GGA2: variants seen among roughly 807,000 people sequenced by gnomAD.
GGA2 encodes ADP-ribosylation factor-binding protein GGA2.
GGA2 carries 48 observed loss-of-function variants against 79.5 expected under a neutral mutation model. That is an observed-to-expected ratio of 0.60 (90% CI 0.48 to 0.77). The LOEUF is 0.77. Ranked by LOEUF, GGA2 falls within the 30% of genes least tolerant of loss-of-function variation. The probability of loss-of-function intolerance (pLI) is 0.00; values close to 1 mark genes in which losing one functional copy is unlikely to be tolerated. For missense variants in GGA2, 770 were observed against 774.0 expected (o/e 0.99, Z 0.06); for synonymous variants, 317 against 302.0 (o/e 1.05, Z -0.51).
At chr16:23,521,140 A>G (rs1965138914) in intron 1 of GGA2, among the ~76,000 whole-genome samples, 1 of 152,100 alleles carries the variant, frequency 6.6e-6, no homozygotes, top group Admixed American at 6.6e-5. Flanking sequence ...AAAAATATAA[A>G]ATTTACCATC....
rs1964473773 is a variant in GGA2, at chr16:23,468,817, C to T, written c.1731+69G>A. On this transcript the variant is annotated intron_variant, in intron 16 of 16. Coordinates refer to ENST00000309859, the MANE Select transcript of GGA2 (RefSeq NM_015044.4). ...AAGGCCTCAATGTGCCTCTCTCTACCCACAAAGTTACCTCCCCTTACAGTT... is the reference window on the plus strand; with the variant it reads ...AAGGCCTCAATGTGCCTCTCTCTACTCACAAAGTTACCTCCCCTTACAGTT... 12 of 867,918 alleles carry T rather than the reference C, an allele frequency of 1.4e-5. No individual in the cohort carries two copies. The South Asian group carries it at 1.5e-4, about 11-fold the overall frequency. The allele number at this position is 867,918 out of a possible 1,614,324, so 53.8% of individuals were successfully genotyped here. A position where few individuals can be genotyped will look rare whatever the true frequency, so the allele number is the denominator to read the frequency against.
At chr16:23,483,819 G>A (rs1291963690) in intron 8 of GGA2, among the ~76,000 whole-genome samples, 1 of 151,284 alleles carries the variant, frequency 6.6e-6, no homozygotes, top group African/African-American at 2.4e-5. Context: ...GGCTGATACT[G>A]TATTTTTAGT....
intron 14 of GGA2, among the ~76,000 whole-genome samples, chr16:23,473,330 CTTTTTT>C (rs34972165): frequency 2.8e-5 from 2 of 70,672 alleles, no homozygotes; most frequent in African/African-American, 5.8e-5. Context: ...CTTTTCTAGT[CTTTTTT>C]TTTTTTTTTT....
At chr16:23,521,870 C>CA in exon 1 of GGA2, 1 of 455,988 alleles carries the variant, frequency 2.2e-6, no homozygotes, top group South Asian at 1.5e-5. Context: ...CTCAGTAGAT[C>CA]AGAGTTAAGC....
chr16:23,470,651 C>T, intron 14 of GGA2, among the ~76,000 whole-genome samples: 1 of 151,678 alleles, frequency 6.6e-6, no homozygotes, highest in Non-Finnish European at 1.5e-5. Flanking sequence ...TAATCCCAGC[C>T]ATTTGAGAGG....
intron 1 of GGA2, among the ~76,000 whole-genome samples, chr16:23,504,991 C>G (rs747907995): frequency 1.3e-5 from 2 of 152,284 alleles, no homozygotes; most frequent in South Asian, 2.1e-4. Context: ...AACCAACCAC[C>G]GGGGTCATGA....
chr16:23,468,742 G>T, intron 16 of GGA2, 144 bp downstream of exon 16: 1 of 546,194 alleles, frequency 1.8e-6, no homozygotes, highest in South Asian at 2.2e-5. Flanking sequence ...CCAAAGTGCT[G>T]GGATTACAGG....
At chr16:23,479,499 G>A (rs1333052756) in intron 11 of GGA2, among the ~76,000 whole-genome samples, 1 of 148,560 alleles carries the variant, frequency 6.7e-6, no homozygotes. Flanking sequence ...TTCTCCGAGG[G>A]TCCAGCTCAC....
rs1182883791 is a variant in GGA2, at chr16:23,510,280, G to T, written c.91+41C>A. On this transcript the variant is annotated intron_variant, in intron 1 of 16. Transcript: ENST00000309859. ...GGAGGCGGGAAGCGAGGCCTCACGTGCGGCGCAGCGGCTGCGCCGAAGGCC... is the reference window on the plus strand; with the variant it reads ...GGAGGCGGGAAGCGAGGCCTCACGTTCGGCGCAGCGGCTGCGCCGAAGGCC... The T allele has an allele frequency of 3.9e-6, 5 of 1,296,542 alleles. No homozygotes were observed. In the South Asian group the frequency reaches 4.5e-5, roughly 12 times the overall value. 80.3% of individuals were successfully genotyped at this position (1,296,542 alleles called of 1,614,324 possible).
chr16:23,493,624 A>G, intron 3 of GGA2, 166 bp from the exon 4 acceptor site: 2 of 593,626 alleles, frequency 3.4e-6, no homozygotes, highest in Non-Finnish European at 6.0e-6. Flanking sequence ...TCAGATCAAG[A>G]AAAAAATGTC....
At chr16:23,472,884 A>G (rs1353670714) in intron 14 of GGA2, among the ~76,000 whole-genome samples, 2 of 151,620 alleles carry the variant, frequency 1.3e-5, no homozygotes, top group Non-Finnish European at 2.9e-5. Context: ...AATACAAAAA[A>G]GTAGCTGGGC....
chr16:23,521,561 G>A (rs1247729890), intron 1 of GGA2, among the ~76,000 whole-genome samples: 3 of 151,936 alleles, frequency 2.0e-5, no homozygotes, highest in East Asian at 3.9e-4. Context: ...ACCTCACCTG[G>A]CTAATTTTTA....
chr16:23,521,868 A>G, exon 1 of GGA2: 1 of 456,038 alleles, frequency 2.2e-6, no homozygotes, highest in Non-Finnish European at 4.4e-6. Flanking sequence ...CACTCAGTAG[A>G]TCAGAGTTAA....
rs1964559693 is a variant in GGA2, at chr16:23,475,027, C to T, written c.1327G>A (p.Val443Met). 3.7e-6 allele frequency: 6 copies of T among 1,602,860 alleles called. No homozygotes were observed. Among genetic ancestry groups the T allele is most frequent in the Non-Finnish European group, 4.3e-6 (5 of 1,176,044 alleles). Residue 443 changes from valine to methionine, a missense_variant, in exon 14 of 17, where the codon GTG (valine) becomes ATG (methionine). By Grantham distance (21) the Val-to-Met change is conservative. Coordinates refer to ENST00000309859, the MANE Select transcript of GGA2 (RefSeq NM_015044.4). ...YVSQKSVPKEVPPGTKSSPGW... is the reference protein window; with the variant it reads ...YVSQKSVPKEMPPGTKSSPGW... ...GGAGAGGACTTAGTACCTGGTGGCA[C>T]TTCCTTGGGGACACTTTTCTGCGAA...
At position 23,486,161 on chromosome 16, in the gene GGA2, A is replaced by G. The variant is rs1964710174; in HGVS notation, c.661-9T>C. ...TCCGATTTTTCTTGTTCCTTTTGGG[A>G]AAAAGAGGAGGATGGGAGTGAGGGA... On this transcript the variant is annotated splice_polypyrimidine_tract_variant and intron_variant, in intron 7 of 16. Transcript: ENST00000309859. 1.2e-6 allele frequency: 2 copies of G among 1,613,256 alleles called. No homozygotes were observed. The highest frequency in any genetic ancestry group is 1.7e-6 in the Non-Finnish European group (2 of 1,179,306).
intron 13 of GGA2, among the ~76,000 whole-genome samples, chr16:23,475,578 CT>C (rs1370251103): frequency 6.6e-6 from 1 of 151,764 alleles, no homozygotes; most frequent in African/African-American, 2.4e-5. Context: ...CCTCCTAGGG[CT>C]ACTGTAAGAA....
intron 1 of GGA2, among the ~76,000 whole-genome samples, chr16:23,500,714 C>T (rs1182563598): frequency 6.6e-6 from 1 of 152,242 alleles, no homozygotes; most frequent in South Asian, 2.1e-4. Context: ...TATAACATCA[C>T]GCAGGCGGAG....
Position 23,467,545 on chromosome 16 carries a change from T to A in GGA2, c.*45A>T, listed in dbSNP as rs1404976191. The A allele has an allele frequency of 2.1e-6, 2 of 966,172 alleles. No homozygotes were observed. Among genetic ancestry groups the A allele is most frequent in the Non-Finnish European group, 3.3e-6 (2 of 599,010 alleles). The allele number at this position is 966,172 out of a possible 1,614,324, so 59.8% of individuals were successfully genotyped here. On this transcript the variant is annotated 3_prime_UTR_variant, in exon 17 of 17. Coordinates refer to ENST00000309859, the MANE Select transcript of GGA2 (RefSeq NM_015044.4). ...ATTAGTCCTGACTAGACAGCAAAAG[T>A]AACGCCAGCCTAAGCTTGAAATGAA...
intron 1 of GGA2, among the ~76,000 whole-genome samples, chr16:23,520,785 G>A (rs554052205): frequency 2.0e-5 from 3 of 152,046 alleles, no homozygotes; most frequent in East Asian, 1.9e-4. Context: ...TATTAATTTC[G>A]CTTTTTTATT....
Sources: allele counts gnomAD v4.1 joint callset (sites outside exome capture counted in the v4.1 genomes callset), GRCh38; gene constraint gnomAD v4.1.1; transcripts MANE v1.5; gene names NCBI Gene and HGNC (gene_info 2026-07-23, HGNC 2026-07-21).